The following PTPRD variants were observed in gnomAD, a reference collection of about 807,000 sequenced individuals.
PTPRD encodes the protein receptor-type tyrosine-protein phosphatase delta.
Under a neutral mutation model 214.5 loss-of-function variants are expected in PTPRD, and 34 were observed. The ratio of observed to expected loss-of-function variants is 0.16; its 90% CI spans 0.12 to 0.21. PTPRD has a LOEUF of 0.21. PTPRD is among the 10% of genes least tolerant of loss of function. The pLI, the probability that PTPRD is intolerant of heterozygous loss-of-function variation, is 1.00. For synonymous variants in PTPRD, 1,128 were observed against 845.7 expected (o/e 1.33, Z -5.79); for missense variants, 2,545 against 2,398.7 (o/e 1.06, Z -1.27).
chr9:9,688,508 C>G (rs1043298052), intron 7 of PTPRD, among the ~76,000 whole-genome samples: 5 of 151,744 alleles, frequency 3.3e-5, no homozygotes, highest in Non-Finnish European at 5.9e-5. Flanking sequence ...TGATTAAGAT[C>G]AAAGGCTAAC....
rs143639438 is a variant in PTPRD, at chr9:8,571,273, C to T, written c.353-42494G>A. On this transcript the variant is annotated intron_variant, in intron 14 of 45. Coordinates refer to ENST00000381196, the MANE Select transcript of PTPRD (RefSeq NM_002839.4). ...TTGTGAATACTTAAGAGTTTAGGGT[C>T]TCCCTTAAGAGGCAGGGCCAGCTGA... Among the ~76,000 whole-genome samples, 4 of 152,210 alleles carry T rather than the reference C, an allele frequency of 2.6e-5. No homozygotes were observed. The East Asian group carries it at 5.8e-4, about 22-fold the overall frequency.
chr9:9,369,288 A>G (rs2058764375), intron 9 of PTPRD, among the ~76,000 whole-genome samples: 1 of 152,060 alleles, frequency 6.6e-6, no homozygotes, highest in South Asian at 2.1e-4. Context: ...CTGACTTTTT[A>G]ATGATCACCA....
At chr9:9,260,881 C>T (rs529812845) in intron 9 of PTPRD, among the ~76,000 whole-genome samples, 1 of 151,938 alleles carries the variant, frequency 6.6e-6, no homozygotes, top group South Asian at 2.1e-4. Flanking sequence ...AAAGTAATGA[C>T]TTTACTGCTC....
At position 8,713,381 on chromosome 9, in the gene PTPRD, C is replaced by T; in HGVS notation, c.64+20399G>A. 1.1e-5 allele frequency: 12 copies of T among 1,075,384 alleles called. No homozygotes were observed. In the South Asian group the frequency reaches 1.5e-4, roughly 14 times the overall value. 66.6% of individuals were successfully genotyped at this position (1,075,384 alleles called of 1,614,324 possible). A position where few individuals can be genotyped will look rare whatever the true frequency, so the allele number is the denominator to read the frequency against. On this transcript the variant is annotated intron_variant, in intron 12 of 45. Coordinates refer to ENST00000381196, the MANE Select transcript of PTPRD (RefSeq NM_002839.4). ...CGCCTGCCCACTCCCAAATGCCACA[C>T]ACCGCCCCTCTACCGCATGCGAATC...
intron 9 of PTPRD, among the ~76,000 whole-genome samples, chr9:9,279,596 A>G (rs893302149): frequency 6.6e-6 from 1 of 150,684 alleles, no homozygotes; most frequent in Non-Finnish European, 1.5e-5. Flanking sequence ...ATTACAAAGC[A>G]TGGGATTTCA....
chr9:10,007,346 C>G (rs2096501073), intron 4 of PTPRD, among the ~76,000 whole-genome samples: 1 of 151,910 alleles, frequency 6.6e-6, no homozygotes, highest in Admixed American at 6.6e-5. Context: ...TTATTTAACT[C>G]TATAGAAGAT....
intron 12 of PTPRD, among the ~76,000 whole-genome samples, chr9:8,698,866 T>C (rs1565373612): frequency 6.6e-6 from 1 of 152,150 alleles, no homozygotes; most frequent in East Asian, 1.9e-4. Flanking sequence ...AATAAATACC[T>C]TCTCACTGTT....
intron 2 of PTPRD, among the ~76,000 whole-genome samples, chr9:10,504,426 T>G (rs192801647): frequency 6.6e-6 from 1 of 152,276 alleles, no homozygotes; most frequent in Admixed American, 6.5e-5. Context: ...TTAATTTCCA[T>G]GCAAATGAAA....
At chr9:9,875,796 G>A (rs1458236123) in intron 5 of PTPRD, among the ~76,000 whole-genome samples, 2 of 152,020 alleles carry the variant, frequency 1.3e-5, no homozygotes, top group Admixed American at 6.6e-5. Context: ...CACAACACCA[G>A]TTAATCTTAG....
chr9:8,804,668 A>G (rs1388986498), intron 11 of PTPRD, among the ~76,000 whole-genome samples: 2 of 151,824 alleles, frequency 1.3e-5, no homozygotes, highest in African/African-American at 2.4e-5. Flanking sequence ...AACTGGAGAA[A>G]CGTGTGGCAT....
At chr9:10,611,657 C>G (rs1210858224) in intron 2 of PTPRD, among the ~76,000 whole-genome samples, 1 of 152,138 alleles carries the variant, frequency 6.6e-6, no homozygotes, top group Non-Finnish European at 1.5e-5. Flanking sequence ...TTAGGAGACA[C>G]CTTAAACCTG....
intron 5 of PTPRD, among the ~76,000 whole-genome samples, chr9:9,932,698 C>G (rs1235396890): frequency 9.4e-6 from 1 of 106,294 alleles, no homozygotes; most frequent in East Asian, 3.2e-4. Flanking sequence ...CAAGGCAGGC[C>G]AACGTTCAGA....
chr9:8,777,714 T>C (rs1400109257), intron 11 of PTPRD, among the ~76,000 whole-genome samples: 1 of 152,052 alleles, frequency 6.6e-6, no homozygotes, highest in Non-Finnish European at 1.5e-5. Flanking sequence ...GAGCTGGTCA[T>C]ATATTAAATT....
chr9:10,574,352 A>C (rs1411573835), intron 2 of PTPRD, among the ~76,000 whole-genome samples: 1 of 152,062 alleles, frequency 6.6e-6, no homozygotes, highest in Non-Finnish European at 1.5e-5. Flanking sequence ...GAACCGTTGA[A>C]CTTCAAAATG....
chr9:10,368,788 C>T (rs1385073809), intron 2 of PTPRD, among the ~76,000 whole-genome samples: 1 of 152,024 alleles, frequency 6.6e-6, no homozygotes, highest in South Asian at 2.1e-4. Flanking sequence ...TTTTGGAATG[C>T]TAATGGAAAG....
chr9:9,798,673 G>T (rs751357497), intron 5 of PTPRD, among the ~76,000 whole-genome samples: 1 of 152,134 alleles, frequency 6.6e-6, no homozygotes, highest in African/African-American at 2.4e-5. Context: ...CCTAGAAGTA[G>T]AAATGCAGTA....
At chr9:8,485,502 T>C (rs1033039489) in intron 28 of PTPRD, 178 bp from the exon 29 acceptor site, 8 of 621,662 alleles carry the variant, frequency 1.3e-5, no homozygotes, top group Non-Finnish European at 2.2e-5. Flanking sequence ...CAGAGATCTT[T>C]CCTTTCTCTC....
intron 5 of PTPRD, among the ~76,000 whole-genome samples, chr9:9,771,407 C>T (rs1447224602): frequency 1.3e-5 from 2 of 152,056 alleles, no homozygotes; most frequent in African/African-American, 2.4e-5. Context: ...GGTCAAAATT[C>T]GATGTATCCA....
At chr9:9,822,816 T>C (rs369774718) in intron 5 of PTPRD, among the ~76,000 whole-genome samples, 4 of 151,998 alleles carry the variant, frequency 2.6e-5, no homozygotes, top group African/African-American at 9.7e-5. Flanking sequence ...GAAATAATAA[T>C]AGATGCTGGT....
Sources: allele counts gnomAD v4.1 joint callset (sites outside exome capture counted in the v4.1 genomes callset), GRCh38; gene constraint gnomAD v4.1.1; transcripts MANE v1.5; gene names NCBI Gene and HGNC (gene_info 2026-07-23, HGNC 2026-07-21).